Variants in IMMP2L observed in about 807,000 individuals in gnomAD.
IMMP2L encodes the protein inner mitochondrial membrane peptidase subunit 2.
In IMMP2L, 18 loss-of-function variants were observed where a neutral mutation model predicts 19.3. That is an observed-to-expected ratio of 0.93 (90% confidence interval 0.64 to 1.38). The LOEUF is 1.38. IMMP2L is among the 40% of genes most tolerant of loss of function. The pLI is 0.00. For missense variants in IMMP2L, 233 were observed against 218.2 expected (o/e 1.07, Z -0.43); for synonymous variants, 76 against 73.0 (o/e 1.04, Z -0.21).
At chr7:111,221,523 G>A (rs1812512014) in intron 3 of IMMP2L, among the ~76,000 whole-genome samples, 2 of 151,972 alleles carry the variant, frequency 1.3e-5, no homozygotes, top group African/African-American at 4.8e-5. Flanking sequence ...GCAAGAGAGA[G>A]AGAGATAACG....
At chr7:111,355,625 A>G (rs1380370054) in intron 3 of IMMP2L, among the ~76,000 whole-genome samples, 1 of 151,976 alleles carries the variant, frequency 6.6e-6, no homozygotes, top group Non-Finnish European at 1.5e-5. Context: ...AAAATAGAAT[A>G]GAAAAACCTT....
At chr7:111,373,943 G>C (rs1784334190) in intron 3 of IMMP2L, among the ~76,000 whole-genome samples, 1 of 151,870 alleles carries the variant, frequency 6.6e-6, no homozygotes, top group African/African-American at 2.4e-5. Context: ...AAGTTGAGGT[G>C]GGTTTTTTTC....
At chr7:111,173,992 T>G (rs1806750031) in intron 3 of IMMP2L, among the ~76,000 whole-genome samples, 3 of 151,730 alleles carry the variant, frequency 2.0e-5, no homozygotes, top group African/African-American at 7.2e-5. Flanking sequence ...ACATCAACCC[T>G]TCTCATAAAT....
intron 5 of IMMP2L, among the ~76,000 whole-genome samples, chr7:110,770,674 T>A (rs1460989299): frequency 6.6e-6 from 1 of 152,156 alleles, no homozygotes; most frequent in African/African-American, 2.4e-5. Context: ...TATCGAAGAC[T>A]GTACTGTGTT....
At chr7:111,112,002 C>A (rs535135916) in intron 3 of IMMP2L, among the ~76,000 whole-genome samples, 3 of 123,320 alleles carry the variant, frequency 2.4e-5, no homozygotes, top group South Asian at 2.6e-4. Context: ...GGCTGGAGTG[C>A]AGTGGTGCGA....
chr7:111,170,412 A>G (rs1293827816), intron 3 of IMMP2L, among the ~76,000 whole-genome samples: 1 of 151,890 alleles, frequency 6.6e-6, no homozygotes, highest in Non-Finnish European at 1.5e-5. Flanking sequence ...AAAGTCCAGA[A>G]CAACTGGCAG....
chr7:111,021,816 G>A (rs1375791814), intron 3 of IMMP2L, among the ~76,000 whole-genome samples: 1 of 152,194 alleles, frequency 6.6e-6, no homozygotes, highest in African/African-American at 2.4e-5. Context: ...CCAGAAGGCA[G>A]AGGTTGCAGT....
chr7:111,444,068 T>C lies in IMMP2L; in HGVS notation c.239+43170A>G, dbSNP rs575043777. Among the ~76,000 whole-genome samples, 230 of 152,288 alleles carry C rather than the reference T, an allele frequency of 1.5e-3. 1 individual carries two copies. The highest frequency in any genetic ancestry group is 2.8e-3 in the Admixed American group (43 of 15,296). On this transcript the variant is annotated intron_variant, in intron 3 of 5. Transcript: ENST00000405709. Reference sequence around the variant, plus strand: ...TTGCTATGAAAGTATCTTTAAATGTTGTGTTTCTATTTTTAAAAAATCACT... The same window carrying C: ...TTGCTATGAAAGTATCTTTAAATGTCGTGTTTCTATTTTTAAAAAATCACT...
chr7:111,447,498 A>T (rs1421137021), intron 3 of IMMP2L, among the ~76,000 whole-genome samples: 4 of 147,268 alleles, frequency 2.7e-5, no homozygotes, highest in East Asian at 2.0e-4. Flanking sequence ...TTTACAGACA[A>T]GCAAATGCTG....
intron 4 of IMMP2L, among the ~76,000 whole-genome samples, chr7:110,959,810 G>C (rs751172415): frequency 2.0e-5 from 3 of 151,856 alleles, no homozygotes; most frequent in African/African-American, 4.8e-5. Flanking sequence ...AGAGGAGGCA[G>C]ACCTTTTACA....
At chr7:110,752,504 A>G (rs137963043) in intron 5 of IMMP2L, among the ~76,000 whole-genome samples, 1 of 152,016 alleles carries the variant, frequency 6.6e-6, no homozygotes, top group Non-Finnish European at 1.5e-5. Flanking sequence ...CCTGGTTATG[A>G]TTATATTAAA....
chr7:111,408,209 A>C (rs1834063793), intron 3 of IMMP2L, among the ~76,000 whole-genome samples: 1 of 151,844 alleles, frequency 6.6e-6, no homozygotes, highest in Non-Finnish European at 1.5e-5. Context: ...CGTATTTAAG[A>C]TTTTCCAATA....
chr7:110,928,950 A>G (rs1460400249), intron 4 of IMMP2L, among the ~76,000 whole-genome samples: 1 of 152,106 alleles, frequency 6.6e-6, no homozygotes, highest in Non-Finnish European at 1.5e-5. Flanking sequence ...ACCTGGCCAC[A>G]GTTTTCCGCT....
chr7:111,229,906 A>G (rs1813537686), intron 3 of IMMP2L, among the ~76,000 whole-genome samples: 1 of 152,154 alleles, frequency 6.6e-6, no homozygotes, highest in South Asian at 2.1e-4. Context: ...AAGATTATGT[A>G]AGCTTTGGTA....
chr7:111,270,675 T>C (rs1295765010), intron 3 of IMMP2L, among the ~76,000 whole-genome samples: 2 of 152,152 alleles, frequency 1.3e-5, no homozygotes, highest in Admixed American at 6.5e-5. Flanking sequence ...AAGAGTTTAA[T>C]CAAAGTAATT....
intron 3 of IMMP2L, among the ~76,000 whole-genome samples, chr7:111,200,470 C>T (rs780778663): frequency 1.3e-5 from 2 of 151,946 alleles, no homozygotes; most frequent in Non-Finnish European, 2.9e-5. Flanking sequence ...AACAACAGAA[C>T]ATTTTGTTTG....
intron 5 of IMMP2L, among the ~76,000 whole-genome samples, chr7:110,840,638 T>C (rs1193862287): frequency 1.3e-5 from 2 of 152,158 alleles, no homozygotes; most frequent in East Asian, 1.9e-4. Flanking sequence ...TATGATAGTA[T>C]GAAAGTGTAT....
chr7:111,008,170 G>A (rs148119145), intron 3 of IMMP2L, among the ~76,000 whole-genome samples: 1 of 152,012 alleles, frequency 6.6e-6, no homozygotes, highest in African/African-American at 2.4e-5. Flanking sequence ...TGATGCCAAT[G>A]TGAGCCCTCT....
At chr7:110,790,693 C>A (rs1800404412) in intron 5 of IMMP2L, among the ~76,000 whole-genome samples, 1 of 151,628 alleles carries the variant, frequency 6.6e-6, no homozygotes, top group Non-Finnish European at 1.5e-5. Flanking sequence ...AGTAGGTTTA[C>A]TTTAAACAAG....
Sources: gnomAD v4.1 joint callset for allele counts (sites outside exome capture counted in the v4.1 genomes callset) on GRCh38, gnomAD v4.1.1 for gene constraint, MANE v1.5 for transcripts, NCBI Gene and HGNC (gene_info 2026-07-23, HGNC 2026-07-21) for gene names.